The following SLC8A1 variants were observed in gnomAD, a reference collection of about 807,000 sequenced individuals.
The protein encoded by SLC8A1 is solute carrier family 8 member A1.
SLC8A1 carries 18 observed loss-of-function variants against 68.3 expected under a neutral mutation model. That is an observed-to-expected ratio of 0.26 (90% CI 0.18 to 0.39). The LOEUF (loss-of-function observed/expected upper bound fraction) is 0.39, where lower values mean the gene tolerates loss of function less well. SLC8A1 is among the 10% of genes least tolerant of loss of function. SLC8A1 has a pLI of 1.00. For synonymous variants in SLC8A1, 475 were observed against 415.5 expected (o/e 1.14, Z -1.74); for missense variants, 985 against 1,156.7 (o/e 0.85, Z 2.15).
At chr2:40,177,673 G>A in intron 3 of SLC8A1, 1 of 853,956 alleles carries the variant, frequency 1.2e-6, no homozygotes, top group Non-Finnish European at 1.9e-6. Flanking sequence ...GAAGAGGAGA[G>A]AGTTAAGTGT....
chr2:40,338,196 T>C (rs1330758594), intron 2 of SLC8A1, among the ~76,000 whole-genome samples: 1 of 152,120 alleles, frequency 6.6e-6, no homozygotes, highest in Non-Finnish European at 1.5e-5. Context: ...TCATGCATCT[T>C]TTTCAGAAGA....
chr2:40,226,771 A>G (rs888259902), intron 2 of SLC8A1, among the ~76,000 whole-genome samples: 3 of 152,220 alleles, frequency 2.0e-5, no homozygotes, highest in Non-Finnish European at 4.4e-5. Flanking sequence ...ATGATCTAAA[A>G]GATTACTTGG....
At position 40,177,734 on chromosome 2, in the gene SLC8A1, C is replaced by T. The variant is rs949016039; in HGVS notation, c.1912+18G>A. On this transcript the variant is annotated intron_variant, in intron 3 of 7. Coordinates refer to ENST00000406785, the Ensembl canonical transcript of SLC8A1. ...AGAGTACAATTTCTCGCTGGTATGT[C>T]TTTGTTTACTCTCACACCTTTCATT... The T allele has an allele frequency of 3.4e-6, 5 of 1,463,284 alleles. No homozygotes were observed. The Admixed American group carries it at 5.9e-5, about 17-fold the overall frequency. The allele number at this position is 1,463,284 out of a possible 1,614,324, so 90.6% of individuals were successfully genotyped here. A position where few individuals can be genotyped will look rare whatever the true frequency, so the allele number is the denominator to read the frequency against.
At chr2:40,283,063 A>G (rs78699105) in intron 2 of SLC8A1, among the ~76,000 whole-genome samples, 7,464 of 152,282 alleles carry the variant, frequency 0.049, 604 homozygotes, top group African/African-American at 0.17. Flanking sequence ...ATTTTACTTA[A>G]TTAACTATTC....
At chr2:40,167,414 A>C (rs2046731850) in intron 4 of SLC8A1, among the ~76,000 whole-genome samples, 1 of 152,212 alleles carries the variant, frequency 6.6e-6, no homozygotes, top group Admixed American at 6.5e-5. Context: ...TAGTGACTTA[A>C]AGTTTTCTTT....
rs144813525 is a variant in SLC8A1, at chr2:40,098,918, C to T, written c.*16335G>A. 2.9e-3 allele frequency: 434 copies of T among 152,062 alleles called. 2 individuals carry two copies. Among genetic ancestry groups the T allele is most frequent in the African/African-American group, 9.7e-3 (401 of 41,512 alleles). 9.4% of individuals were successfully genotyped at this position (152,062 alleles called of 1,614,324 possible). On this transcript the variant is annotated 3_prime_UTR_variant, in exon 8 of 8. Transcript: ENST00000406785. ...TCTTTGGCAGAAGACTTTATAAATA[C>T]CTCCACTTTTAACGTTTCGTTTAGG...
chr2:40,343,033 TTAATTA>T (rs1171671327), intron 2 of SLC8A1, among the ~76,000 whole-genome samples: 2 of 152,104 alleles, frequency 1.3e-5, no homozygotes, highest in African/African-American at 4.8e-5. Context: ...GAATCTCATT[TTAATTA>T]TGAGTAAAAT....
At chr2:40,283,658 C>T (rs772030370) in intron 2 of SLC8A1, among the ~76,000 whole-genome samples, 1 of 152,146 alleles carries the variant, frequency 6.6e-6, no homozygotes, top group Non-Finnish European at 1.5e-5. Context: ...GTGCTTGAAA[C>T]GCATCAAAGT....
At chr2:40,122,883 G>A (rs1404884631) in intron 7 of SLC8A1, among the ~76,000 whole-genome samples, 1 of 152,152 alleles carries the variant, frequency 6.6e-6, no homozygotes, top group African/African-American at 2.4e-5. Flanking sequence ...GGTGCCCCGG[G>A]CTTAGTTTTC....
intron 2 of SLC8A1, among the ~76,000 whole-genome samples, chr2:40,372,666 G>C (rs1371100131): frequency 1.4e-4 from 22 of 152,136 alleles, no homozygotes; most frequent in Non-Finnish European, 4.4e-5. Context: ...ACTATTCTTG[G>C]AAATTGCAAC....
intron 2 of SLC8A1, among the ~76,000 whole-genome samples, chr2:40,305,852 G>T (rs1029166004): frequency 1.3e-5 from 2 of 152,162 alleles, no homozygotes; most frequent in Admixed American, 1.3e-4. Flanking sequence ...AATATATTTT[G>T]TGAAACAGAC....
chr2:40,271,874 A>AT (rs910583301), intron 2 of SLC8A1, among the ~76,000 whole-genome samples: 14 of 150,450 alleles, frequency 9.3e-5, no homozygotes, highest in Non-Finnish European at 1.6e-4. Flanking sequence ...TTATTTATTT[A>AT]TTTTTTTTTA....
chr2:40,332,383 A>C (rs1280513035), intron 2 of SLC8A1, among the ~76,000 whole-genome samples: 1 of 146,960 alleles, frequency 6.8e-6, no homozygotes, highest in Non-Finnish European at 1.5e-5. Flanking sequence ...AATTCAATTC[A>C]AACAGTCAAA....
Position 40,224,399 on chromosome 2 carries a change from A to G in SLC8A1, c.1809-46544T>C, listed in dbSNP as rs141832754. 7.7e-4 allele frequency among the ~76,000 whole-genome samples: 117 copies of G among 152,212 alleles called. 1 individual carries two copies. The South Asian group carries it at 0.013, about 18-fold the overall frequency. ...TTAGAACTGGAGGTTCCCAAGAGATACATTTCCATCATTTTGTGAGAAAAG... is the reference window on the plus strand; with the variant it reads ...TTAGAACTGGAGGTTCCCAAGAGATGCATTTCCATCATTTTGTGAGAAAAG... On this transcript the variant is annotated intron_variant, in intron 2 of 7. Transcript: ENST00000406785.
chr2:40,104,064 C>T (rs2034056211), exon 8 of SLC8A1: 2 of 152,192 alleles, frequency 1.3e-5, no homozygotes, highest in Admixed American at 6.5e-5. Flanking sequence ...CCCTCTGAAA[C>T]AATTAAAGAT....
intron 2 of SLC8A1, among the ~76,000 whole-genome samples, chr2:40,214,718 G>A (rs761360964): frequency 1.3e-5 from 2 of 152,030 alleles, no homozygotes; most frequent in Admixed American, 1.3e-4. Flanking sequence ...GATTACAGGC[G>A]TGAGCCACTG....
chr2:40,389,584 C>A (rs1287053783), intron 2 of SLC8A1, among the ~76,000 whole-genome samples: 5 of 151,828 alleles, frequency 3.3e-5, no homozygotes. Context: ...TTTTATGTCC[C>A]ACCAATAAAA....
chr2:40,471,369 C>T (rs1223501034), intron 1 of SLC8A1, among the ~76,000 whole-genome samples: 1 of 152,012 alleles, frequency 6.6e-6, no homozygotes, highest in East Asian at 1.9e-4. Flanking sequence ...CCTGACAAGC[C>T]TGTGTGACAA....
At chr2:40,104,042 G>A (rs1364575967) in exon 8 of SLC8A1, 1 of 152,182 alleles carries the variant, frequency 6.6e-6, no homozygotes, top group Non-Finnish European at 1.5e-5. Context: ...AGAGAGAGCT[G>A]AAGATTCCTC....
Sources: gnomAD v4.1 joint callset for allele counts (sites outside exome capture counted in the v4.1 genomes callset) on GRCh38, gnomAD v4.1.1 for gene constraint, MANE v1.5 for transcripts, NCBI Gene and HGNC (gene_info 2026-07-23, HGNC 2026-07-21) for gene names.